Variants in ZNF407 observed in about 807,000 individuals in gnomAD.
ZNF407 encodes zinc finger protein 407.
In ZNF407, 17 loss-of-function variants were observed where a neutral mutation model predicts 131.2. The observed-to-expected ratio is 0.13, with a 90% CI of 0.09 to 0.19. The LOEUF is 0.19. ZNF407 is among the 10% of genes least tolerant of loss of function. ZNF407 has a pLI of 1.00. For missense variants in ZNF407, 2,681 were observed against 2,830.6 expected, an observed-to-expected ratio of 0.95 and a Z score of 1.20; for synonymous variants, 1,156 against 1,062.0, an observed-to-expected ratio of 1.09 and a Z score of -1.72.
intron 8 of ZNF407, among the ~76,000 whole-genome samples, chr18:74,974,066 AT>A (rs1972501343): frequency 6.6e-6 from 1 of 152,214 alleles, no homozygotes; most frequent in Non-Finnish European, 1.5e-5. Flanking sequence ...TTAATTTATC[AT>A]AGTATATATA....
At chr18:74,623,218 G>C (rs1983629197) in intron 1 of ZNF407, among the ~76,000 whole-genome samples, 1 of 151,840 alleles carries the variant, frequency 6.6e-6, no homozygotes, top group African/African-American at 2.4e-5. Flanking sequence ...ATATGTGACT[G>C]CGTGTGTGAG....
At chr18:75,049,592 C>A (rs1296982148) in intron 8 of ZNF407, among the ~76,000 whole-genome samples, 6 of 152,122 alleles carry the variant, frequency 3.9e-5, no homozygotes, top group Admixed American at 3.3e-4. Context: ...AATGCTAAGG[C>A]ATCGCGTTTC....
At chr18:74,751,821 G>C (rs1011136740) in intron 3 of ZNF407, among the ~76,000 whole-genome samples, 1 of 152,118 alleles carries the variant, frequency 6.6e-6, no homozygotes, top group East Asian at 1.9e-4. Context: ...GAATAGTGCC[G>C]CAGTAGACAT....
intron 8 of ZNF407, among the ~76,000 whole-genome samples, chr18:75,026,600 A>G (rs1599300388): frequency 6.6e-6 from 1 of 152,212 alleles, no homozygotes; most frequent in South Asian, 2.1e-4. Context: ...TAACCCATTG[A>G]TCCAAGATAT....
rs186904728 is a variant in ZNF407, at chr18:74,877,456, G to A, written c.5044+93G>A. 18 of 1,136,270 alleles carry A rather than the reference G, an allele frequency of 1.6e-5. No homozygotes were observed. In the Middle Eastern group the frequency reaches 9.1e-4, roughly 57 times the overall value. The allele number at this position is 1,136,270 out of a possible 1,614,324, so 70.4% of individuals were successfully genotyped here. A position where few individuals can be genotyped will look rare whatever the true frequency, so the allele number is the denominator to read the frequency against. ...AGGCATTAATTATCCCATCTTCATA[G>A]TAATCAATGGAAATGATGTCCTGCT... On this transcript the variant is annotated intron_variant, in intron 5 of 8. Transcript: ENST00000299687.
At chr18:74,688,464 G>C (rs995961274) in intron 3 of ZNF407, among the ~76,000 whole-genome samples, 4 of 152,186 alleles carry the variant, frequency 2.6e-5, no homozygotes, top group African/African-American at 7.2e-5. Context: ...AGATCAAAAT[G>C]TGATAATTCT....
At chr18:74,720,885 A>G (rs894912967) in intron 3 of ZNF407, among the ~76,000 whole-genome samples, 5 of 146,160 alleles carry the variant, frequency 3.4e-5, no homozygotes, top group African/African-American at 1.0e-4. Flanking sequence ...GTTAGTACAG[A>G]TTTGTAGTAT....
chr18:74,722,419 T>A (rs1968060795), intron 3 of ZNF407, among the ~76,000 whole-genome samples: 1 of 152,210 alleles, frequency 6.6e-6, no homozygotes, highest in Admixed American at 6.5e-5. Context: ...CTTGCTAGCC[T>A]GTCAGTTGCT....
intron 3 of ZNF407, among the ~76,000 whole-genome samples, chr18:74,697,423 A>G (rs531141535): frequency 1.3e-5 from 2 of 152,330 alleles, no homozygotes; most frequent in African/African-American, 2.4e-5. Context: ...AGACTGCTTT[A>G]TAGAGAAAGT....
chr18:74,692,566 T>A lies in ZNF407; in HGVS notation c.4802+51444T>A, dbSNP rs1474927951. 2.6e-5 allele frequency among the ~76,000 whole-genome samples: 4 copies of A among 152,142 alleles called. No individual in the cohort carries two copies. The East Asian group carries it at 7.7e-4, about 29-fold the overall frequency. On this transcript the variant is annotated intron_variant, in intron 3 of 8. Coordinates refer to ENST00000299687, the MANE Select transcript of ZNF407 (RefSeq NM_017757.3). ...TGGGGCCTTCTCAGAGTTCCTGCCC[T>A]TTTTCCTTGACACCTTTCCTCAGCC...
At chr18:74,835,970 G>A (rs1042090609) in intron 4 of ZNF407, among the ~76,000 whole-genome samples, 1 of 150,278 alleles carries the variant, frequency 6.7e-6, no homozygotes, top group Non-Finnish European at 1.5e-5. Context: ...TGAAGGAAAC[G>A]GTGGAGAAGG....
chr18:74,678,860 CTAAAG>C (rs1966912940), intron 3 of ZNF407, among the ~76,000 whole-genome samples: 1 of 151,848 alleles, frequency 6.6e-6, no homozygotes. Flanking sequence ...TGAATACAAA[CTAAAG>C]TAGATATAAA....
chr18:74,934,051 T>C (rs1263064358), intron 8 of ZNF407, among the ~76,000 whole-genome samples: 1 of 152,152 alleles, frequency 6.6e-6, no homozygotes, highest in Non-Finnish European at 1.5e-5. Flanking sequence ...TGATGGCTGG[T>C]CTAGATGCTT....
At chr18:74,954,523 C>G (rs138547631) in intron 8 of ZNF407, among the ~76,000 whole-genome samples, 1 of 152,030 alleles carries the variant, frequency 6.6e-6, no homozygotes, top group African/African-American at 2.4e-5. Context: ...TTAAGAAAGA[C>G]TGGCATTATA....
Position 74,782,303 on chromosome 18 carries a change from A to T in ZNF407, c.4877+801A>T, listed in dbSNP as rs904728528. On this transcript the variant is annotated intron_variant, in intron 4 of 8. Transcript: ENST00000299687. ...GTTTTCAAAAGTCACTAGTGATGCA[A>T]TTTTTTCTGTTACTCTGAAGCCTGA... Among the ~76,000 whole-genome samples, 7 of 152,032 alleles carry T rather than the reference A, an allele frequency of 4.6e-5. No individual in the cohort carries two copies. The East Asian group carries it at 9.6e-4, about 21-fold the overall frequency.
chr18:74,958,505 G>A (rs1297613363), intron 8 of ZNF407, among the ~76,000 whole-genome samples: 1 of 151,900 alleles, frequency 6.6e-6, no homozygotes, highest in Non-Finnish European at 1.5e-5. Context: ...TTGATGAGGA[G>A]CCCGCCGTGC....
chr18:74,758,395 C>T (rs1010415982), intron 3 of ZNF407, among the ~76,000 whole-genome samples: 2 of 152,020 alleles, frequency 1.3e-5, no homozygotes, highest in Admixed American at 6.6e-5. Context: ...CTAGTTTTTA[C>T]GAATACCAAC....
intron 4 of ZNF407, among the ~76,000 whole-genome samples, chr18:74,833,900 C>G (rs1310969724): frequency 6.6e-6 from 1 of 152,040 alleles, no homozygotes; most frequent in African/African-American, 2.4e-5. Flanking sequence ...TCTCATATTC[C>G]TTTTTGAACA....
chr18:74,807,208 C>T (rs1187610827), intron 4 of ZNF407, among the ~76,000 whole-genome samples: 4 of 151,866 alleles, frequency 2.6e-5, no homozygotes, highest in Admixed American at 6.6e-5. Context: ...TGAGTAGGAA[C>T]GTGAATGATG....
Sources: gnomAD v4.1 joint callset for allele counts (sites outside exome capture counted in the v4.1 genomes callset) on GRCh38, gnomAD v4.1.1 for gene constraint, MANE v1.5 for transcripts, NCBI Gene and HGNC (gene_info 2026-07-23, HGNC 2026-07-21) for gene names.